Variants in WDR75 observed in about 807,000 individuals in gnomAD.
The protein encoded by WDR75 is WD repeat-containing protein 75.
Under a neutral mutation model 106.1 loss-of-function variants are expected in WDR75, and 52 were observed. That is an observed-to-expected ratio of 0.49 (90% CI 0.39 to 0.62). WDR75 has a LOEUF of 0.62. Among genes scored for constraint, WDR75 ranks in the 20% least tolerant of loss-of-function variants. WDR75 has a pLI of 0.00. For missense variants in WDR75, 905 were observed against 970.3 expected, an observed-to-expected ratio of 0.93 and a Z score of 0.89; for synonymous variants, 333 against 335.5, an observed-to-expected ratio of 0.99 and a Z score of 0.08.
rs571637875 is a variant in WDR75, at chr2:189,460,386, A to G, written c.778+962A>G. 5.9e-5 allele frequency among the ~76,000 whole-genome samples: 9 copies of G among 152,258 alleles called. No homozygotes were observed. In the East Asian group the frequency reaches 1.7e-3, roughly 29 times the overall value. ...GATTATGGTTTGGGGAGTAATGACTAGTGTATGGAGACAATGTAGGCTGCT... is the reference window on the plus strand; with the variant it reads ...GATTATGGTTTGGGGAGTAATGACTGGTGTATGGAGACAATGTAGGCTGCT... On this transcript the variant is annotated intron_variant, in intron 8 of 20. Transcript: ENST00000314761.
intron 12 of WDR75, among the ~76,000 whole-genome samples, chr2:189,465,846 C>CT (rs1275314289): frequency 1.3e-5 from 2 of 152,092 alleles, no homozygotes; most frequent in Non-Finnish European, 2.9e-5. Flanking sequence ...ATAACTTGTG[C>CT]TTTTTTAAAA....
intron 1 of WDR75, among the ~76,000 whole-genome samples, chr2:189,442,049 C>T (rs1023857801): frequency 6.6e-6 from 1 of 152,144 alleles, no homozygotes; most frequent in African/African-American, 2.4e-5. Context: ...ATGTTAGATT[C>T]TTTATGAGAT....
chr2:189,454,736 G>T (rs1158565664), intron 4 of WDR75, among the ~76,000 whole-genome samples: 2 of 151,924 alleles, frequency 1.3e-5, no homozygotes, highest in Non-Finnish European at 2.9e-5. Flanking sequence ...TGTTAGCCAG[G>T]ATGGTCTCGA....
chr2:189,446,141 A>G (rs911773311), intron 1 of WDR75, among the ~76,000 whole-genome samples: 11 of 152,216 alleles, frequency 7.2e-5, no homozygotes, highest in Non-Finnish European at 1.3e-4. Context: ...AACTATTTTA[A>G]TAGAGCACAG....
Position 189,455,418 on chromosome 2 carries a change from C to T in WDR75, c.472C>T (p.Pro158Ser). Residue 158 changes from proline to serine, a missense_variant, in exon 5 of 21, where the codon CCC becomes TCC. Pro to Ser is a moderately conservative substitution (Grantham distance 74). Transcript: ENST00000314761. ...SFVLDYINQSPKCIAFGNEGV... is the reference protein window; with the variant it reads ...SFVLDYINQSSKCIAFGNEGV... The stretch of plus-strand genomic sequence containing the variant: ...TGTTTTGGATTACATAAACCAGTCA[C>T]CCAAGTGCATTGCCTTTGGAAACGA... The T allele has an allele frequency of 6.2e-7, 1 of 1,612,880 alleles. No homozygotes were observed.
Position 189,467,580 on chromosome 2 carries a change from A to C in WDR75, c.1560A>C (p.Ile520=). 1 of 1,611,740 alleles carries C rather than the reference A, an allele frequency of 6.2e-7. No individual in the cohort carries two copies. The highest frequency in any genetic ancestry group is 8.5e-7 in the Non-Finnish European group (1 of 1,178,756). ...GSLLAVSFEE[I]VTIWDSVTWE... is the part of the protein sequence containing the mutation. ...TACTAGCAGTTAGTTTTGAGGAAAT[A>C]GTCACAATATGGGATTCTGTAACAT... Residue 520 remains isoleucine (I), a synonymous_variant, in exon 14 of 21, where the codon ATA becomes ATC. Transcript: ENST00000314761.
chr2:189,453,832 A>G (rs1009460235), intron 4 of WDR75, among the ~76,000 whole-genome samples: 1 of 152,194 alleles, frequency 6.6e-6, no homozygotes, highest in Non-Finnish European at 1.5e-5. Flanking sequence ...TATGTTCCAC[A>G]GCCCAAAACC....
At chr2:189,451,028 G>A in intron 3 of WDR75, 60 bp downstream of exon 3, 3 of 1,566,886 alleles carry the variant, frequency 1.9e-6, no homozygotes, top group South Asian at 1.2e-5. Flanking sequence ...GTAATTTAAT[G>A]GTAGATGTAC....
intron 3 of WDR75, among the ~76,000 whole-genome samples, chr2:189,451,395 GA>G (rs901298519): frequency 2.6e-5 from 4 of 152,058 alleles, no homozygotes; most frequent in African/African-American, 7.2e-5. Flanking sequence ...ATTGTAGATT[GA>G]AAAAAAATCT....
intron 2 of WDR75, chr2:189,449,311 G>A (rs763191567): frequency 7.7e-7 from 1 of 1,303,014 alleles, no homozygotes; most frequent in South Asian, 1.2e-5. Flanking sequence ...TATTCCAAAG[G>A]AAATAAAGTA....
At chr2:189,451,117 A>G in intron 3 of WDR75, 149 bp downstream of exon 3, 3 of 1,105,892 alleles carry the variant, frequency 2.7e-6, no homozygotes, top group South Asian at 3.1e-5. Context: ...ATTTGACTAT[A>G]TAAAAATTTT....
chr2:189,467,536 TTC>T lies in WDR75; in HGVS notation c.1519_1520del (p.Ser507ArgfsTer9), dbSNP rs764048402. On this transcript the variant is annotated frameshift_variant, in exon 14 of 21. Coordinates refer to ENST00000314761, the MANE Select transcript of WDR75 (RefSeq NM_032168.3). LOFTEE classifies it high-confidence loss of function. ...CAAGTATCAAGCAACTAACTGTTGT[TTC>T]TCCGAAGATGGTTCTTTACTAGCAG... ...YHKYQATNCC[F>X]SEDGSLLAVS... 1 of 1,611,756 alleles carries T rather than the reference TTC, an allele frequency of 6.2e-7. No homozygotes were observed. Among genetic ancestry groups the T allele is most frequent in the African/African-American group, 1.3e-5 (1 of 74,918 alleles).
chr2:189,450,997 A>G, intron 3 of WDR75, 29 bp downstream of exon 3: 1 of 1,578,192 alleles, frequency 6.3e-7, no homozygotes, highest in South Asian at 1.2e-5. Flanking sequence ...ACTTTTCGTT[A>G]TGTGAATAAA....
Position 189,463,866 on chromosome 2 carries a change from T to G in WDR75, c.1018T>G (p.Leu340Val). 1 of 1,613,896 alleles carries G rather than the reference T, an allele frequency of 6.2e-7. No homozygotes were observed. Among genetic ancestry groups the G allele is most frequent in the South Asian group, 1.1e-5 (1 of 91,066 alleles). The stretch of plus-strand genomic sequence containing the variant: ...TGCAGATAGGAGTATCTTCACTGGT[T>G]TGATGATTGATCCAAGAACTAAAGC... ...LVKDRSIFTG[L>V]MIDPRTKALV... Residue 340 changes from leucine to valine, a missense_variant, in exon 11 of 21, where the codon TTG becomes GTG. Coordinates refer to ENST00000314761, the MANE Select transcript of WDR75 (RefSeq NM_032168.3).
At chr2:189,473,428 TCTTA>T (rs1049810583) in intron 18 of WDR75, among the ~76,000 whole-genome samples, 2 of 152,064 alleles carry the variant, frequency 1.3e-5, no homozygotes, top group African/African-American at 2.4e-5. Context: ...TATCTTTAGG[TCTTA>T]CTTAGGCTGG....
chr2:189,469,906 GCCCA>G (rs1687082865), intron 16 of WDR75, among the ~76,000 whole-genome samples, 166 bp from the exon 17 acceptor site: 4 of 152,030 alleles, frequency 2.6e-5, no homozygotes, highest in Non-Finnish European at 4.4e-5. Flanking sequence ...AACCTGCCTG[GCCCA>G]TAGTAGGAAC....
At chr2:189,448,848 G>C (rs531218401) in intron 2 of WDR75, 252 of 477,548 alleles carry the variant, frequency 5.3e-4, no homozygotes, top group Non-Finnish European at 9.4e-4. Flanking sequence ...TGTAGTTTTT[G>C]GTGTTTCTCA....
At chr2:189,448,263 C>T (rs2106112024) in intron 1 of WDR75, 116 bp from the exon 2 acceptor site, 1 of 1,168,950 alleles carries the variant, frequency 8.6e-7, no homozygotes, top group African/African-American at 1.6e-5. Flanking sequence ...GCAGGCGTAT[C>T]ACTTGAGGCC....
rs752701497 is a variant in WDR75 at position 189,470,166 on chromosome 2, G to A, written c.1910G>A (p.Arg637Gln). The A allele has an allele frequency of 1.2e-5, 20 of 1,613,454 alleles. No individual in the cohort carries two copies. The highest frequency in any genetic ancestry group is 4.4e-5 in the South Asian group (4 of 91,050). Reference protein sequence around the residue: ...EKVQWGVFVPRDVPESFTSEA... With the variant: ...EKVQWGVFVPQDVPESFTSEA... Reference sequence around the variant, plus strand: ...GTCCAGTGGGGAGTGTTTGTTCCACGAGATGTCCCTGAATCCTTCACCTCA... The same window carrying A: ...GTCCAGTGGGGAGTGTTTGTTCCACAAGATGTCCCTGAATCCTTCACCTCA... Residue 637 changes from arginine to glutamine, a missense_variant, in exon 17 of 21, where the codon CGA becomes CAA. Physicochemically the swap from Arg to Gln is conservative, Grantham distance 43. Coordinates refer to ENST00000314761, the MANE Select transcript of WDR75 (RefSeq NM_032168.3).
Sources: gnomAD v4.1 joint callset for allele counts (sites outside exome capture counted in the v4.1 genomes callset) on GRCh38, gnomAD v4.1.1 for gene constraint, MANE v1.5 for transcripts, NCBI Gene and HGNC (gene_info 2026-07-23, HGNC 2026-07-21) for gene names.